Variants in OSBPL1A observed in about 807,000 individuals in gnomAD.
The protein encoded by OSBPL1A is oxysterol binding protein like 1A, also known as oxysterol-binding protein-related protein 1.
OSBPL1A carries 80 observed loss-of-function variants against 137.1 expected under a neutral mutation model. The ratio of observed to expected loss-of-function variants is 0.58; its 90% CI spans 0.49 to 0.70. The LOEUF (loss-of-function observed/expected upper bound fraction) is 0.70, where lower values mean the gene tolerates loss of function less well. OSBPL1A is among the 30% of genes least tolerant of loss of function. The probability of loss-of-function intolerance (pLI) is 0.00; values close to 1 mark genes in which losing one functional copy is unlikely to be tolerated. For synonymous variants in OSBPL1A, 365 were observed against 389.7 expected (o/e 0.94, Z 0.75); for missense variants, 970 against 1,129.4 (o/e 0.86, Z 2.02).
intron 23 of OSBPL1A, 150 bp downstream of exon 23, chr18:24,171,259 C>CTT: frequency 1.8e-6 from 1 of 542,890 alleles, no homozygotes; most frequent in Non-Finnish European, 3.3e-6. Flanking sequence ...TGGTCTTGAA[C>CTT]CTGACCTCGT....
rs559424843 is a variant in OSBPL1A, at chr18:24,246,306, T to C, written c.1282-6924A>G. On this transcript the variant is annotated intron_variant, in intron 15 of 27. Coordinates refer to ENST00000319481, the MANE Select transcript of OSBPL1A (RefSeq NM_080597.4). Reference sequence around the variant, plus strand: ...AAGGGACCGAGGCAGATTTACCTGATGGGAGGAAACTGAAATGAGTAAGGG... The same window carrying C: ...AAGGGACCGAGGCAGATTTACCTGACGGGAGGAAACTGAAATGAGTAAGGG... Among the ~76,000 whole-genome samples, 7 of 152,080 alleles carry C rather than the reference T, an allele frequency of 4.6e-5. No homozygotes were observed. In the South Asian group the frequency reaches 8.3e-4, roughly 18 times the overall value.
chr18:24,197,700 C>A (rs1024337893), intron 17 of OSBPL1A, among the ~76,000 whole-genome samples: 1 of 151,954 alleles, frequency 6.6e-6, no homozygotes, highest in African/African-American at 2.4e-5. Flanking sequence ...ATAAGAATCC[C>A]TGCCATTATC....
chr18:24,300,224 T>G (rs557961650), intron 14 of OSBPL1A, among the ~76,000 whole-genome samples: 8 of 152,224 alleles, frequency 5.3e-5, no homozygotes, highest in Non-Finnish European at 8.8e-5. Flanking sequence ...ATAAAAGGTA[T>G]ATTTCAATAG....
chr18:24,334,697 T>G (rs774413101), intron 5 of OSBPL1A, among the ~76,000 whole-genome samples: 8 of 152,200 alleles, frequency 5.3e-5, no homozygotes, highest in African/African-American at 1.4e-4. Flanking sequence ...GAAATAGCAC[T>G]GATAGAAAGA....
At chr18:24,329,929 T>A (rs948561620) in intron 7 of OSBPL1A, among the ~76,000 whole-genome samples, 1 of 152,162 alleles carries the variant, frequency 6.6e-6, no homozygotes. Flanking sequence ...AATTTTAAAT[T>A]GAATGTATTT....
At chr18:24,223,348 GCTA>G (rs1470693619) in intron 17 of OSBPL1A, among the ~76,000 whole-genome samples, 1 of 151,996 alleles carries the variant, frequency 6.6e-6, no homozygotes, top group Non-Finnish European at 1.5e-5. Flanking sequence ...TCCTGTGAAA[GCTA>G]CTTTTTAAAA....
chr18:24,382,164 G>A (rs1465361129), intron 1 of OSBPL1A, among the ~76,000 whole-genome samples: 1 of 150,956 alleles, frequency 6.6e-6, no homozygotes, highest in Non-Finnish European at 1.5e-5. Context: ...ACTTTGGGAG[G>A]CCAAGGCAAG....
intron 16 of OSBPL1A, among the ~76,000 whole-genome samples, chr18:24,232,434 A>T (rs1184871250): frequency 1.3e-5 from 2 of 152,232 alleles, no homozygotes. Context: ...TGCTTGTGAC[A>T]GAGTTTCTTA....
chr18:24,341,710 T>G (rs1487548853), intron 4 of OSBPL1A, 52 bp from the exon 5 acceptor site: 1 of 1,271,684 alleles, frequency 7.9e-7, no homozygotes, highest in Admixed American at 2.0e-5. Context: ...TTTATTGCAT[T>G]ACCACCCTTT....
chr18:24,191,571 T>C (rs1246335129), intron 18 of OSBPL1A, among the ~76,000 whole-genome samples: 1 of 152,256 alleles, frequency 6.6e-6, no homozygotes, highest in African/African-American at 2.4e-5. Context: ...AATTTTATAA[T>C]GTTTACAATT....
chr18:24,215,425 A>AT (rs1567951201), intron 17 of OSBPL1A, among the ~76,000 whole-genome samples: 1 of 152,110 alleles, frequency 6.6e-6, no homozygotes, highest in Non-Finnish European at 1.5e-5. Flanking sequence ...TATAAACCAA[A>AT]TTTTTCTGAG....
intron 15 of OSBPL1A, among the ~76,000 whole-genome samples, chr18:24,261,736 C>T (rs568806902): frequency 6.6e-6 from 1 of 152,144 alleles, no homozygotes; most frequent in Non-Finnish European, 1.5e-5. Context: ...GGAAGGCTAA[C>T]TTGGGACGAT....
intron 16 of OSBPL1A, among the ~76,000 whole-genome samples, chr18:24,229,671 A>G (rs771441553): frequency 8.5e-5 from 13 of 152,226 alleles, no homozygotes; most frequent in Non-Finnish European, 1.6e-4. Context: ...GCCTATCCAT[A>G]GAAGTTATTT....
At chr18:24,265,873 C>A (rs2089557644) in intron 15 of OSBPL1A, among the ~76,000 whole-genome samples, 1 of 152,238 alleles carries the variant, frequency 6.6e-6, no homozygotes, top group Non-Finnish European at 1.5e-5. Context: ...TTATTCCCAT[C>A]ACCACCTACT....
Position 24,162,971 on chromosome 18 carries a change from T to G in OSBPL1A, c.*208A>C. ...TAAAATAGTATTCCAAATAAGTACA[T>G]TTTATAGCAAAATTATGCATTTTTC... On this transcript the variant is annotated 3_prime_UTR_variant, in exon 28 of 28. Coordinates refer to ENST00000319481, the MANE Select transcript of OSBPL1A (RefSeq NM_080597.4). 1 of 429,726 alleles carries G rather than the reference T, an allele frequency of 2.3e-6. No homozygotes were observed. Among genetic ancestry groups the G allele is most frequent in the Non-Finnish European group, 4.2e-6 (1 of 238,360 alleles). 26.6% of individuals were successfully genotyped at this position (429,726 alleles called of 1,614,324 possible).
intron 6 of OSBPL1A, 61 bp from the exon 7 acceptor site, chr18:24,333,147 T>C: frequency 6.4e-7 from 1 of 1,560,216 alleles, no homozygotes; most frequent in African/African-American, 1.4e-5. Context: ...CCTCTCATAA[T>C]TCACAGGAGG....
intron 5 of OSBPL1A, among the ~76,000 whole-genome samples, chr18:24,337,231 C>T (rs1363766653): frequency 2.0e-5 from 3 of 152,204 alleles, no homozygotes; most frequent in Middle Eastern, 3.4e-3. Context: ...GCAAGGCTCA[C>T]GCCTGTTAAC....
intron 7 of OSBPL1A, among the ~76,000 whole-genome samples, 173 bp downstream of exon 7, chr18:24,332,769 G>A (rs976577080): frequency 6.6e-6 from 1 of 152,118 alleles, no homozygotes; most frequent in African/African-American, 2.4e-5. Context: ...CTTGAGGGTA[G>A]GATCTACCTT....
chr18:24,293,242 T>A (rs1304311384), intron 14 of OSBPL1A, among the ~76,000 whole-genome samples: 3 of 151,216 alleles, frequency 2.0e-5, no homozygotes, highest in African/African-American at 7.3e-5. Flanking sequence ...ACAGTTACCA[T>A]CCTGGCACAG....
Sources: gnomAD v4.1 joint callset for allele counts (sites outside exome capture counted in the v4.1 genomes callset) on GRCh38, gnomAD v4.1.1 for gene constraint, MANE v1.5 for transcripts, NCBI Gene and HGNC (gene_info 2026-07-23, HGNC 2026-07-21) for gene names.